The following CSE1L variants were observed in gnomAD, a reference collection of about 807,000 sequenced individuals.
CSE1L encodes chromosome segregation 1 like.
In CSE1L, 24 loss-of-function variants were observed where a neutral mutation model predicts 120.4. The ratio of observed to expected loss-of-function variants is 0.20; its 90% CI spans 0.14 to 0.28. The LOEUF (loss-of-function observed/expected upper bound fraction) is 0.28, where lower values mean the gene tolerates loss of function less well. Among genes scored for constraint, CSE1L ranks in the 10% least tolerant of loss-of-function variants. The pLI is 1.00. For synonymous variants in CSE1L, 402 were observed against 398.3 expected (o/e 1.01, Z -0.11); for missense variants, 830 against 1,145.2 (o/e 0.72, Z 3.97).
intron 14 of CSE1L, among the ~76,000 whole-genome samples, chr20:49,081,531 C>T (rs2092012947): frequency 6.6e-6 from 1 of 152,204 alleles, no homozygotes; most frequent in South Asian, 2.1e-4. Context: ...TGGAATTTTG[C>T]CAATCTTAAA....
chr20:49,077,396 G>A (rs1398239283), intron 13 of CSE1L, among the ~76,000 whole-genome samples: 7 of 152,074 alleles, frequency 4.6e-5, no homozygotes, highest in Non-Finnish European at 1.0e-4. Flanking sequence ...CTGACCTCAG[G>A]TGATCCACCT....
intron 2 of CSE1L, among the ~76,000 whole-genome samples, chr20:49,061,485 TATTA>T (rs1157176853): frequency 4.9e-5 from 6 of 122,040 alleles, no homozygotes; most frequent in Non-Finnish European, 7.0e-5. Flanking sequence ...AAATTATTAT[TATTA>T]TTTATTTATT....
intron 16 of CSE1L, 97 bp from the exon 17 acceptor site, chr20:49,087,912 T>A (rs1251034987): frequency 1.4e-6 from 1 of 710,566 alleles, no homozygotes; most frequent in Non-Finnish European, 2.3e-6. Flanking sequence ...TCTTAAAATT[T>A]AGTTGATGAA....
chr20:49,065,719 G>A (rs946027485), intron 3 of CSE1L, among the ~76,000 whole-genome samples: 5 of 144,056 alleles, frequency 3.5e-5, no homozygotes, highest in South Asian at 2.2e-4. Flanking sequence ...TCAGCCTCCC[G>A]AGTAACTGGG....
intron 1 of CSE1L, among the ~76,000 whole-genome samples, chr20:49,052,872 C>T (rs1009111898): frequency 6.6e-6 from 1 of 152,158 alleles, no homozygotes; most frequent in African/African-American, 2.4e-5. Flanking sequence ...CAGGCGGCAG[C>T]CACTGCACCT....
At chr20:49,077,990 C>T (rs569638761) in intron 13 of CSE1L, among the ~76,000 whole-genome samples, 5 of 151,460 alleles carry the variant, frequency 3.3e-5, no homozygotes, top group Admixed American at 6.6e-5. Context: ...GGATACAGAG[C>T]GAGACTCTGT....
intron 13 of CSE1L, 94 bp downstream of exon 13, chr20:49,077,158 T>A: frequency 2.8e-6 from 2 of 713,042 alleles, no homozygotes; most frequent in Non-Finnish European, 4.4e-6. Flanking sequence ...TTGTTCTTTT[T>A]TTTTTTTTTT....
At chr20:49,058,667 G>A (rs981603137) in intron 2 of CSE1L, 119 bp downstream of exon 2, 19 of 718,352 alleles carry the variant, frequency 2.6e-5, no homozygotes, top group South Asian at 1.7e-4. Flanking sequence ...GTTCTCAAGC[G>A]TAGTTTATAA....
chr20:49,062,731 T>C (rs937500197), intron 2 of CSE1L, among the ~76,000 whole-genome samples: 1 of 151,978 alleles, frequency 6.6e-6, no homozygotes, highest in Non-Finnish European at 1.5e-5. Context: ...TAATTTTACA[T>C]ATATAATATA....
chr20:49,048,017 T>A (rs549229639), intron 1 of CSE1L, among the ~76,000 whole-genome samples: 1 of 152,308 alleles, frequency 6.6e-6, no homozygotes, highest in Admixed American at 6.5e-5. Context: ...ACATGGTAGA[T>A]GCACAAGTAT....
At position 49,072,421 on chromosome 20, in the gene CSE1L, G is replaced by C; in HGVS notation, c.904G>C (p.Val302Leu). Reference sequence around the variant, plus strand: ...TGTTACAGCCATCTGGAATTTACTAGTTACAACGGGTCAAGAGGTTAAATA... The same window carrying C: ...TGTTACAGCCATCTGGAATTTACTACTTACAACGGGTCAAGAGGTTAAATA... ...RFVTAIWNLL[V>L]TTGQEVKYDL... The change falls in exon 9 of 25, where the codon GTT becomes CTT. Residue 302 changes from valine to leucine, a missense_variant. By Grantham distance (32) the Val-to-Leu change is conservative. This residue lies in a region of CSE1L where 543 missense variants were observed against 640.2 expected (regional missense o/e 0.85). Coordinates refer to ENST00000262982, the MANE Select transcript of CSE1L (RefSeq NM_001316.4). 2 of 1,614,172 alleles carry C rather than the reference G, an allele frequency of 1.2e-6. No homozygotes were observed. The highest frequency in any genetic ancestry group is 8.5e-7 in the Non-Finnish European group (1 of 1,180,030).
In CSE1L at chr20:49,088,122, T is replaced by A; in HGVS notation, c.1821+16T>A. On this transcript the variant is annotated intron_variant, in intron 17 of 24. Coordinates refer to ENST00000262982, the MANE Select transcript of CSE1L (RefSeq NM_001316.4). ...TGTTAGTAAGGTAATAGAGCCAATTTTGAAAGTGGGGTTCCTTTTTTATTT... is the reference window on the plus strand; with the variant it reads ...TGTTAGTAAGGTAATAGAGCCAATTATGAAAGTGGGGTTCCTTTTTTATTT... 6.5e-7 allele frequency: 1 copy of A among 1,550,286 alleles called. No individual in the cohort carries two copies. The highest frequency in any genetic ancestry group is 8.9e-7 in the Non-Finnish European group (1 of 1,125,556).
At chr20:49,053,951 C>T (rs1014983505) in intron 1 of CSE1L, among the ~76,000 whole-genome samples, 1 of 152,194 alleles carries the variant, frequency 6.6e-6, no homozygotes, top group African/African-American at 2.4e-5. Flanking sequence ...AGCCTCCCAC[C>T]AGTGGAGACT....
At position 49,072,357 on chromosome 20, in the gene CSE1L, A is replaced by G. The variant is rs753200160; in HGVS notation, c.840A>G (p.Gln280=). ...GTGATAATGCCGCACTCTATGCACA[A>G]AAGTACGATGAAGAATTCCAGCGAT... ...QICDNAALYA[Q]KYDEEFQRYL... is the part of the protein sequence containing the mutation. Residue 280 remains glutamine, a synonymous_variant, in exon 9 of 25, where the codon CAA becomes CAG. Transcript: ENST00000262982. 1.9e-6 allele frequency: 3 copies of G among 1,614,204 alleles called. No homozygotes were observed. Among genetic ancestry groups the G allele is most frequent in the Non-Finnish European group, 2.5e-6 (3 of 1,180,026 alleles).
At position 49,096,545 on chromosome 20, in the gene CSE1L, G is replaced by A. The variant is rs573722942; in HGVS notation, c.*107G>A. 87 of 819,144 alleles carry A rather than the reference G, an allele frequency of 1.1e-4. 3 individuals are homozygous for A. In the South Asian group the frequency reaches 1.1e-3, roughly 10 times the overall value. The allele number at this position is 819,144 out of a possible 1,614,324, so 50.7% of individuals were successfully genotyped here. ...GAAGTTCTCCTTTTGAACTTGTCAC[G>A]AATTCCATCTTGTAAAGGATATTAA... On this transcript the variant is annotated 3_prime_UTR_variant, in exon 25 of 25. Coordinates refer to ENST00000262982, the MANE Select transcript of CSE1L (RefSeq NM_001316.4).
intron 1 of CSE1L, among the ~76,000 whole-genome samples, chr20:49,057,950 TG>T (rs2123666204): frequency 6.6e-6 from 1 of 152,118 alleles, no homozygotes; most frequent in Non-Finnish European, 1.5e-5. Context: ...TTTGTAGTTT[TG>T]GTAGAGATGG....
Position 49,096,562 on chromosome 20 carries a change from G to A in CSE1L, c.*124G>A. On this transcript the variant is annotated 3_prime_UTR_variant, in exon 25 of 25. Transcript: ENST00000262982. ...CTTGTCACGAATTCCATCTTGTAAA[G>A]GATATTAAATGTTGCTTTAACCTGA... is the stretch of plus-strand genomic sequence containing the variant. 1.3e-6 allele frequency: 1 copy of A among 743,606 alleles called. No homozygotes were observed. Among genetic ancestry groups the A allele is most frequent in the East Asian group, 2.7e-5 (1 of 37,422 alleles). The allele number at this position is 743,606 out of a possible 1,614,324, so 46.1% of individuals were successfully genotyped here. A position where few individuals can be genotyped will look rare whatever the true frequency, so the allele number is the denominator to read the frequency against.
At chr20:49,086,052 T>TA (rs1205228537) in intron 16 of CSE1L, among the ~76,000 whole-genome samples, 2 of 152,158 alleles carry the variant, frequency 1.3e-5, no homozygotes, top group African/African-American at 2.4e-5. Flanking sequence ...CGTGTCTTCT[T>TA]ACGTACTGCC....
intron 3 of CSE1L, among the ~76,000 whole-genome samples, chr20:49,064,397 G>A (rs2091875529): frequency 6.6e-6 from 1 of 152,156 alleles, no homozygotes; most frequent in South Asian, 2.1e-4. Context: ...GATTTCTCAA[G>A]TATCACCATG....
Sources: gnomAD v4.1 joint callset for allele counts (sites outside exome capture counted in the v4.1 genomes callset) on GRCh38, gnomAD v4.1.1 for gene constraint, gnomAD v4.1.1 regional missense constraint, MANE v1.5 for transcripts, NCBI Gene and HGNC (gene_info 2026-07-23, HGNC 2026-07-21) for gene names.